DPYD: variants seen among roughly 807,000 people sequenced by gnomAD.
DPYD encodes dihydropyrimidine dehydrogenase [NADP(+)].
DPYD carries 109 observed loss-of-function variants against 116.2 expected under a neutral mutation model. The ratio of observed to expected loss-of-function variants is 0.94; its 90% CI spans 0.80 to 1.10. The LOEUF (loss-of-function observed/expected upper bound fraction) is 1.10, where lower values mean the gene tolerates loss of function less well. Among genes scored for constraint, DPYD ranks in the 50% least tolerant of loss-of-function variants. DPYD has a pLI of 0.00. For missense variants in DPYD, 1,302 were observed against 1,254.5 expected, an observed-to-expected ratio of 1.04 and a Z score of -0.57; for synonymous variants, 440 against 432.0, an observed-to-expected ratio of 1.02 and a Z score of -0.23.
At chr1:97,657,735 G>A (rs766347083) in intron 8 of DPYD, among the ~76,000 whole-genome samples, 12 of 152,004 alleles carry the variant, frequency 7.9e-5, no homozygotes, top group Non-Finnish European at 1.5e-4. Flanking sequence ...TCTTAATAAC[G>A]GTATCAGAAA....
intron 2 of DPYD, among the ~76,000 whole-genome samples, chr1:97,859,670 C>T (rs979583791): frequency 1.3e-5 from 2 of 152,138 alleles, no homozygotes; most frequent in African/African-American, 4.8e-5. Context: ...CTGAAGTCAA[C>T]AGGCTCCAGC....
chr1:97,232,296 G>A (rs1180977681), intron 19 of DPYD, among the ~76,000 whole-genome samples: 2 of 152,034 alleles, frequency 1.3e-5, no homozygotes, highest in Non-Finnish European at 2.9e-5. Context: ...AATAAGTAAG[G>A]TGTCATCTTC....
intron 1 of DPYD, among the ~76,000 whole-genome samples, chr1:97,892,328 A>G (rs549711857): frequency 9.8e-4 from 149 of 151,926 alleles, no homozygotes; most frequent in African/African-American, 3.4e-3. Context: ...TTTGCTTAAC[A>G]GTCTCTTGTT....
At chr1:97,196,359 G>A (rs565299156) in intron 19 of DPYD, among the ~76,000 whole-genome samples, 19 of 151,902 alleles carry the variant, frequency 1.3e-4, no homozygotes, top group East Asian at 3.9e-4. Flanking sequence ...CAAGCAATCC[G>A]CCCACCTGGC....
chr1:97,608,543 T>G (rs982061857), intron 8 of DPYD, among the ~76,000 whole-genome samples: 1 of 151,910 alleles, frequency 6.6e-6, no homozygotes, highest in East Asian at 1.9e-4. Flanking sequence ...TCGGTTTCCC[T>G]ACCTACTAGC....
chr1:97,724,974 A>AGAGG (rs1663159129), intron 4 of DPYD, among the ~76,000 whole-genome samples: 1 of 150,402 alleles, frequency 6.6e-6, no homozygotes, highest in East Asian at 2.0e-4. Context: ...AGAGAGAGAG[A>AGAGG]GAGAGAGAGA....
At chr1:97,134,157 C>CT (rs900798242) in intron 20 of DPYD, among the ~76,000 whole-genome samples, 6 of 145,842 alleles carry the variant, frequency 4.1e-5, no homozygotes, top group Admixed American at 1.4e-4. Flanking sequence ...TAGGTAAAGA[C>CT]TTATGGCCAA....
intron 3 of DPYD, among the ~76,000 whole-genome samples, chr1:97,806,929 A>G (rs1668103761): frequency 6.6e-6 from 1 of 151,894 alleles, no homozygotes; most frequent in Non-Finnish European, 1.5e-5. Flanking sequence ...ATCATTTCAG[A>G]TTGATTTCTT....
At chr1:97,142,449 A>C (rs1654298084) in intron 20 of DPYD, among the ~76,000 whole-genome samples, 1 of 152,106 alleles carries the variant, frequency 6.6e-6, no homozygotes, top group African/African-American at 2.4e-5. Context: ...CTTTTTCTCA[A>C]GGACCAAAGA....
At chr1:97,212,932 CCATAGACTGGGTAG>C (rs1233493029) in intron 19 of DPYD, among the ~76,000 whole-genome samples, 1 of 152,084 alleles carries the variant, frequency 6.6e-6, no homozygotes, top group Non-Finnish European at 1.5e-5. Flanking sequence ...AACAAAAATG[CCATAGACTGGGTAG>C]CTTCAATAAC....
chr1:97,602,864 A>G (rs994870070), intron 8 of DPYD, among the ~76,000 whole-genome samples: 3 of 151,988 alleles, frequency 2.0e-5, no homozygotes, highest in African/African-American at 4.8e-5. Flanking sequence ...AGTTATTGCA[A>G]TAATTGAAAT....
chr1:97,460,127 A>C (rs977033797), intron 13 of DPYD, among the ~76,000 whole-genome samples: 2 of 152,182 alleles, frequency 1.3e-5, no homozygotes, highest in African/African-American at 4.8e-5. Flanking sequence ...TATAGTAAAA[A>C]ATGAAAACAA....
chr1:97,567,569 G>A (rs1239938528), intron 11 of DPYD, among the ~76,000 whole-genome samples: 1 of 152,164 alleles, frequency 6.6e-6, no homozygotes, highest in East Asian at 1.9e-4. Context: ...CCTTGTCTCC[G>A]CTCTACTGAG....
intron 19 of DPYD, 56 bp from the exon 20 acceptor site, chr1:97,193,304 A>G: frequency 6.5e-7 from 1 of 1,549,070 alleles, no homozygotes; most frequent in Non-Finnish European, 8.8e-7. Flanking sequence ...TTCTCCAAAC[A>G]AATTCACTTT....
chr1:97,799,087 C>T (rs938406806), intron 3 of DPYD, among the ~76,000 whole-genome samples: 2 of 151,814 alleles, frequency 1.3e-5, no homozygotes, highest in African/African-American at 4.8e-5. Flanking sequence ...GAAACGAGTC[C>T]TGTATAGTCT....
chr1:97,250,042 C>A (rs538513525), intron 18 of DPYD, among the ~76,000 whole-genome samples: 3 of 152,202 alleles, frequency 2.0e-5, no homozygotes, highest in African/African-American at 7.2e-5. Flanking sequence ...GAGGCCAAGG[C>A]GGGCGGATCA....
chr1:97,166,926 C>T (rs1656368389), intron 20 of DPYD, among the ~76,000 whole-genome samples: 1 of 152,112 alleles, frequency 6.6e-6, no homozygotes, highest in Non-Finnish European at 1.5e-5. Flanking sequence ...ATTATTTGAG[C>T]ATTTTGGAAA....
intron 8 of DPYD, among the ~76,000 whole-genome samples, chr1:97,669,812 A>T (rs1172713173): frequency 2.0e-5 from 3 of 152,176 alleles, no homozygotes; most frequent in Non-Finnish European, 4.4e-5. Flanking sequence ...TATATATCAT[A>T]TATGGAAATA....
At chr1:97,895,782 T>C (rs1419749893) in intron 1 of DPYD, among the ~76,000 whole-genome samples, 1 of 151,770 alleles carries the variant, frequency 6.6e-6, no homozygotes, top group Non-Finnish European at 1.5e-5. Context: ...ATTTCCTTAA[T>C]AAGTAATATT....
Sources: allele counts gnomAD v4.1 joint callset (sites outside exome capture counted in the v4.1 genomes callset), GRCh38; gene constraint gnomAD v4.1.1; transcripts MANE v1.5; gene names NCBI Gene and HGNC (gene_info 2026-07-23, HGNC 2026-07-21).